Variants in TACR3 observed in about 807,000 individuals in gnomAD.
TACR3 encodes tachykinin receptor 3, also known as neuromedin-K receptor.
A neutral mutation model predicts 35.0 loss-of-function variants in TACR3; 34 were observed. The observed-to-expected ratio is 0.97, with a 90% CI of 0.74 to 1.30. The LOEUF (loss-of-function observed/expected upper bound fraction) is 1.30, where lower values mean the gene tolerates loss of function less well. Ranked by LOEUF, TACR3 falls within the 50% of genes most tolerant of loss-of-function variation. TACR3 has a pLI of 0.00. For missense variants in TACR3, 558 were observed against 591.7 expected (o/e 0.94, Z 0.59); for synonymous variants, 233 against 221.1 (o/e 1.05, Z -0.48).
chr4:103,636,966 A>G (rs1725207742), intron 3 of TACR3, among the ~76,000 whole-genome samples: 1 of 152,160 alleles, frequency 6.6e-6, no homozygotes, highest in Non-Finnish European at 1.5e-5. Context: ...AACCAAAAAA[A>G]GTCCAGGACC....
At position 103,656,168 on chromosome 4, in the gene TACR3, G is replaced by C. The variant is rs373465053; in HGVS notation, c.888+26C>G. 2.5e-6 allele frequency: 4 copies of C among 1,611,436 alleles called. No individual in the cohort carries two copies. In the African/African-American group the frequency reaches 5.3e-5, roughly 22 times the overall value. On this transcript the variant is annotated intron_variant, in intron 3 of 4. Transcript: ENST00000304883. ...CTGATATACCATAACCTATACAAATGCTAGGTAAACAACATGGACCAGTAC... is the reference window on the plus strand; with the variant it reads ...CTGATATACCATAACCTATACAAATCCTAGGTAAACAACATGGACCAGTAC...
In TACR3 at chr4:103,719,737, C is replaced by T; in HGVS notation, c.-62G>A. On this transcript the variant is annotated 5_prime_UTR_variant, in exon 1 of 5. Transcript: ENST00000304883. ...CCACGGGCAGCCCAAGACGAGACTC[C>T]TCTGAAGTTCTTCTCTGCCTCCTGG... The T allele has an allele frequency of 6.3e-7, 1 of 1,589,268 alleles. No individual in the cohort carries two copies.
intron 3 of TACR3, among the ~76,000 whole-genome samples, chr4:103,621,267 C>CT (rs1423879524): frequency 6.6e-6 from 1 of 152,162 alleles, no homozygotes; most frequent in Non-Finnish European, 1.5e-5. Flanking sequence ...CTCATGCCTC[C>CT]TTCTAGTATT....
chr4:103,654,591 A>C (rs964144272), intron 3 of TACR3, among the ~76,000 whole-genome samples: 1 of 150,164 alleles, frequency 6.7e-6, no homozygotes, highest in Non-Finnish European at 1.5e-5. Context: ...GATATACCTA[A>C]TGCTAAATGA....
intron 3 of TACR3, among the ~76,000 whole-genome samples, chr4:103,609,596 C>G (rs1223903727): frequency 6.6e-6 from 1 of 152,002 alleles, no homozygotes; most frequent in Non-Finnish European, 1.5e-5. Context: ...TTTGTCATTT[C>G]TTTGTAGTGA....
intron 1 of TACR3, among the ~76,000 whole-genome samples, chr4:103,711,272 C>T (rs895426234): frequency 6.6e-6 from 1 of 152,114 alleles, no homozygotes; most frequent in African/African-American, 2.4e-5. Flanking sequence ...AACCCAGCAG[C>T]ACATCAAAAA....
At chr4:103,638,005 C>A (rs1268981069) in intron 3 of TACR3, among the ~76,000 whole-genome samples, 1 of 152,110 alleles carries the variant, frequency 6.6e-6, no homozygotes, top group Admixed American at 6.6e-5. Flanking sequence ...ATAAAAAAGG[C>A]CATACTGCCA....
At chr4:103,616,797 A>C (rs889002553) in intron 3 of TACR3, among the ~76,000 whole-genome samples, 3 of 151,962 alleles carry the variant, frequency 2.0e-5, no homozygotes, top group African/African-American at 4.8e-5. Context: ...AAAATACAAA[A>C]ATTAGCGGGG....
chr4:103,694,821 G>A (rs530634317), intron 1 of TACR3, among the ~76,000 whole-genome samples: 7 of 152,200 alleles, frequency 4.6e-5, no homozygotes, highest in Admixed American at 2.0e-4. Context: ...TAAATATAGA[G>A]AGAGACATTT....
rs529669741 is a variant in TACR3 at position 103,713,188 on chromosome 4, C to T, written c.548+5940G>A. On this transcript the variant is annotated intron_variant, in intron 1 of 4. Coordinates refer to ENST00000304883, the MANE Select transcript of TACR3 (RefSeq NM_001059.3). ...CACACATGCACATGTATGTTTACCG[C>T]GGCACTACTCACAATAGCAAAGACT... Among the ~76,000 whole-genome samples the T allele has an allele frequency of 7.0e-4, 106 of 152,084 alleles. 1 individual carries two copies. Among genetic ancestry groups the T allele is most frequent in the Admixed American group, 6.6e-4 (10 of 15,262 alleles).
chr4:103,716,215 TTGTGTGTGTGTGTGTGTGTG>T (rs56790385), intron 1 of TACR3, among the ~76,000 whole-genome samples: 1 of 143,232 alleles, frequency 7.0e-6, no homozygotes, highest in East Asian at 2.1e-4. Context: ...TAATTTTATC[TTGTGTGTGTGTGTGTGTGTG>T]TGTGTGTGTG....
chr4:103,709,973 T>C (rs1722903595), intron 1 of TACR3, among the ~76,000 whole-genome samples: 1 of 152,066 alleles, frequency 6.6e-6, no homozygotes, highest in Admixed American at 6.6e-5. Flanking sequence ...CCTAAATGTA[T>C]ATGCACCCAA....
intron 3 of TACR3, among the ~76,000 whole-genome samples, chr4:103,606,404 A>T (rs1724364060): frequency 6.6e-6 from 1 of 152,112 alleles, no homozygotes; most frequent in African/African-American, 2.4e-5. Context: ...GAATCTGTAA[A>T]TTACCTTGGG....
At chr4:103,660,739 A>T (rs1265477779) in intron 1 of TACR3, among the ~76,000 whole-genome samples, 1 of 152,092 alleles carries the variant, frequency 6.6e-6, no homozygotes, top group African/African-American at 2.4e-5. Flanking sequence ...TGACAAAAAA[A>T]TACCTAAGTT....
intron 3 of TACR3, among the ~76,000 whole-genome samples, chr4:103,636,719 G>C (rs1725201035): frequency 6.6e-6 from 1 of 151,768 alleles, no homozygotes; most frequent in South Asian, 2.1e-4. Flanking sequence ...AAAGAGAGAA[G>C]AATCAAATAG....
intron 3 of TACR3, among the ~76,000 whole-genome samples, chr4:103,632,956 CTT>C (rs1192014317): frequency 6.6e-6 from 1 of 151,920 alleles, no homozygotes; most frequent in Non-Finnish European, 1.5e-5. Context: ...AATTTGTTCT[CTT>C]AAAACTTACA....
At chr4:103,710,672 A>G (rs1722925581) in intron 1 of TACR3, among the ~76,000 whole-genome samples, 1 of 152,184 alleles carries the variant, frequency 6.6e-6, no homozygotes, top group Non-Finnish European at 1.5e-5. Context: ...AGAGACACAA[A>G]AAACCCTTCA....
intron 3 of TACR3, among the ~76,000 whole-genome samples, chr4:103,599,981 G>A (rs969082649): frequency 6.6e-6 from 1 of 152,244 alleles, no homozygotes; most frequent in African/African-American, 2.4e-5. Context: ...AAATGAGTTA[G>A]GGAGGATTCC....
At chr4:103,610,068 G>A (rs1724478267) in intron 3 of TACR3, among the ~76,000 whole-genome samples, 1 of 151,960 alleles carries the variant, frequency 6.6e-6, no homozygotes, top group South Asian at 2.1e-4. Context: ...GATTAGTGCT[G>A]CAATAAATAT....
Sources: gnomAD v4.1 joint callset for allele counts (sites outside exome capture counted in the v4.1 genomes callset) on GRCh38, gnomAD v4.1.1 for gene constraint, MANE v1.5 for transcripts, NCBI Gene and HGNC (gene_info 2026-07-23, HGNC 2026-07-21) for gene names.